The following DAB1 variants were observed in gnomAD, a reference collection of about 807,000 sequenced individuals.
DAB1 encodes the protein DAB adaptor protein 1.
Under a neutral mutation model 64.6 loss-of-function variants are expected in DAB1, and 15 were observed. The observed-to-expected ratio is 0.23, with a 90% confidence interval of 0.16 to 0.36. DAB1 has a LOEUF of 0.36. Ranked by LOEUF, DAB1 falls within the 10% of genes least tolerant of loss-of-function variation. The probability of loss-of-function intolerance (pLI) is 1.00; values close to 1 mark genes in which losing one functional copy is unlikely to be tolerated. For missense variants in DAB1, 596 were observed against 706.7 expected (o/e 0.84, Z 1.78); for synonymous variants, 235 against 251.9 (o/e 0.93, Z 0.64).
At chr1:57,182,558 T>C (rs1569792781) in intron 2 of DAB1, among the ~76,000 whole-genome samples, 1 of 152,124 alleles carries the variant, frequency 6.6e-6, no homozygotes, top group East Asian at 1.9e-4. Flanking sequence ...GAAAGACTTA[T>C]CTCCTACCCT....
At position 57,023,512 on chromosome 1, in the gene DAB1, C is replaced by T; in HGVS notation, c.895+19G>A. On this transcript the variant is annotated intron_variant, in intron 11 of 14. Coordinates refer to ENST00000371236, the MANE Select transcript of DAB1 (RefSeq NM_001365792.1). ...TGAGTGAAGGCCAAAGGAAGGGAAG[C>T]TGGTGGAAGAGGGCTTACCTGAGGG... 7.0e-7 allele frequency: 1 copy of T among 1,436,866 alleles called. No homozygotes were observed. Among genetic ancestry groups the T allele is most frequent in the Non-Finnish European group, 9.7e-7 (1 of 1,027,490 alleles). 89.0% of individuals were successfully genotyped at this position (1,436,866 alleles called of 1,614,324 possible). A position where few individuals can be genotyped will look rare whatever the true frequency, so the allele number is the denominator to read the frequency against.
intron 9 of DAB1, among the ~76,000 whole-genome samples, chr1:57,049,958 C>A (rs1436568059): frequency 6.6e-6 from 1 of 152,174 alleles, no homozygotes; most frequent in Non-Finnish European, 1.5e-5. Context: ...TTAGCTTCCA[C>A]CAGGCAGCCC....
intron 9 of DAB1, among the ~76,000 whole-genome samples, chr1:57,059,083 C>G (rs1423472971): frequency 6.6e-6 from 1 of 152,182 alleles, no homozygotes; most frequent in Non-Finnish European, 1.5e-5. Flanking sequence ...CAATCCCTGG[C>G]TCAGTGAGGA....
chr1:58,063,497 C>A (rs1648642840), intron 5 of DAB1, among the ~76,000 whole-genome samples: 1 of 152,088 alleles, frequency 6.6e-6, no homozygotes, highest in Non-Finnish European at 1.5e-5. Context: ...CAGACTCAGC[C>A]TATGGTAGAC....
intron 2 of DAB1, among the ~76,000 whole-genome samples, chr1:58,511,893 G>A (rs186080138): frequency 1.2e-4 from 18 of 151,712 alleles, no homozygotes; most frequent in Admixed American, 3.3e-4. Flanking sequence ...CCAAAAGCAC[G>A]GGAAACAAAA....
rs190318587 is a variant in DAB1, at chr1:58,057,642, T to C, written n.387+92869A>G. 3.3e-3 allele frequency among the ~76,000 whole-genome samples: 503 copies of C among 152,324 alleles called. 1 individual carries two copies. Among genetic ancestry groups the C allele is most frequent in the Non-Finnish European group, 4.4e-3 (299 of 68,026 alleles). On this transcript the variant is annotated intron_variant and non_coding_transcript_variant, in intron 5 of 20. Coordinates refer to the DAB1 transcript ENST00000485760. ...AAGATAGAGAGAGGCAAGGAAGGAT[T>C]CTTCCCTAGAATCTTCAGAGCATAG...
intron 1 of DAB1, among the ~76,000 whole-genome samples, chr1:57,293,587 T>C (rs1174985842): frequency 6.6e-6 from 1 of 152,162 alleles, no homozygotes; most frequent in Non-Finnish European, 1.5e-5. Flanking sequence ...ACCTGGCCGG[T>C]ATGTGACCGA....
intron 7 of DAB1, among the ~76,000 whole-genome samples, chr1:57,447,616 A>T (rs1171781231): frequency 6.6e-6 from 1 of 152,232 alleles, no homozygotes; most frequent in African/African-American, 2.4e-5. Context: ...TGATGGTTAC[A>T]CACTGCAAAA....
At chr1:58,225,976 A>AAC (rs1659458176) in intron 4 of DAB1, among the ~76,000 whole-genome samples, 2 of 150,198 alleles carry the variant, frequency 1.3e-5, no homozygotes, top group Admixed American at 6.6e-5. Context: ...AAAAAAAAAA[A>AAC]ACCTGAGGCT....
chr1:57,800,801 A>G (rs1469742870), intron 6 of DAB1, among the ~76,000 whole-genome samples: 2 of 152,204 alleles, frequency 1.3e-5, no homozygotes, highest in African/African-American at 4.8e-5. Flanking sequence ...CACCTGAAAT[A>G]CCAAGCATCA....
chr1:57,772,864 T>A (rs1339162593), intron 6 of DAB1, among the ~76,000 whole-genome samples: 1 of 152,060 alleles, frequency 6.6e-6, no homozygotes, highest in African/African-American at 2.4e-5. Flanking sequence ...ACAGATATAA[T>A]CATGTTAAGT....
At chr1:58,010,336 A>T (rs184279609) in intron 5 of DAB1, among the ~76,000 whole-genome samples, 6 of 152,200 alleles carry the variant, frequency 3.9e-5, no homozygotes, top group African/African-American at 1.4e-4. Context: ...CAAGAAAAAC[A>T]TATACATACA....
intron 11 of DAB1, 120 bp downstream of exon 11, chr1:57,023,411 G>T: frequency 1.5e-6 from 1 of 647,046 alleles, no homozygotes; most frequent in Non-Finnish European, 2.8e-6. Flanking sequence ...AATGTCACCT[G>T]AAGAGTCACA....
At chr1:58,510,867 C>T (rs1156317455) in intron 2 of DAB1, among the ~76,000 whole-genome samples, 1 of 151,950 alleles carries the variant, frequency 6.6e-6, no homozygotes, top group African/African-American at 2.4e-5. Context: ...AACAATTCCA[C>T]TTACAGGAAA....
At chr1:57,042,061 T>A (rs1175414953) in intron 9 of DAB1, among the ~76,000 whole-genome samples, 2 of 152,118 alleles carry the variant, frequency 1.3e-5, no homozygotes, top group African/African-American at 4.8e-5. Flanking sequence ...TAGCTCACAT[T>A]TTGTAACAAG....
At chr1:58,285,917 A>G (rs530542901) in intron 4 of DAB1, among the ~76,000 whole-genome samples, 1 of 152,328 alleles carries the variant, frequency 6.6e-6, no homozygotes, top group Non-Finnish European at 1.5e-5. Flanking sequence ...TTCAAACTAC[A>G]CTACAAGGCC....
At chr1:58,160,035 G>T (rs80278623) in intron 4 of DAB1, among the ~76,000 whole-genome samples, 160 of 152,186 alleles carry the variant, frequency 1.1e-3, no homozygotes, top group African/African-American at 3.7e-3. Context: ...AGAGAAAAAG[G>T]CATTTCAAAT....
At chr1:58,106,529 G>A (rs185398933) in intron 5 of DAB1, among the ~76,000 whole-genome samples, 123 of 152,302 alleles carry the variant, frequency 8.1e-4, no homozygotes, top group Non-Finnish European at 1.4e-3. Context: ...GAGTAGATAT[G>A]ATTAGCTCCA....
chr1:57,889,289 T>C (rs1161668369), intron 5 of DAB1, among the ~76,000 whole-genome samples: 1 of 152,244 alleles, frequency 6.6e-6, no homozygotes, highest in Non-Finnish European at 1.5e-5. Context: ...ACTTGAGCTG[T>C]CGCTTATCAG....
Sources: allele counts gnomAD v4.1 joint callset (sites outside exome capture counted in the v4.1 genomes callset), GRCh38; gene constraint gnomAD v4.1.1; transcripts MANE v1.5; gene names NCBI Gene and HGNC (gene_info 2026-07-23, HGNC 2026-07-21).